Variants in TLE2 observed in about 807,000 individuals in gnomAD.
The protein encoded by TLE2 is transducin-like enhancer protein 2.
In TLE2, 74 loss-of-function variants were observed where a neutral mutation model predicts 97.2. The ratio of observed to expected loss-of-function variants is 0.76; its 90% CI spans 0.63 to 0.92. The LOEUF is 0.92. TLE2 is among the 40% of genes least tolerant of loss of function. The pLI is 0.00. For synonymous variants in TLE2, 499 were observed against 432.1 expected (o/e 1.15, Z -1.92); for missense variants, 1,038 against 1,008.7 (o/e 1.03, Z -0.39).
intron 17 of TLE2, among the ~76,000 whole-genome samples, chr19:3,003,733 CT>C (rs1861510400): frequency 6.6e-6 from 1 of 151,606 alleles, no homozygotes; most frequent in South Asian, 2.1e-4. Flanking sequence ...CAGACAGGGT[CT>C]TGCTCTGTCG....
At chr19:3,023,248 G>C (rs370260025) in intron 5 of TLE2, among the ~76,000 whole-genome samples, 1 of 152,008 alleles carries the variant, frequency 6.6e-6, no homozygotes, top group Non-Finnish European at 1.5e-5. Flanking sequence ...ATACTGGCCA[G>C]GTGGGTCTCA....
chr19:3,005,341 C>G (rs1417794750), intron 17 of TLE2, 96 bp downstream of exon 17: 17 of 1,491,744 alleles, frequency 1.1e-5, no homozygotes, highest in Non-Finnish European at 1.4e-5. Context: ...GGAGTCCTGT[C>G]CTGTCCTGCC....
intron 5 of TLE2, among the ~76,000 whole-genome samples, chr19:3,021,772 G>A (rs896961890): frequency 2.1e-4 from 32 of 151,818 alleles, no homozygotes; most frequent in Non-Finnish European, 4.1e-4. Context: ...TAGTAGAGAC[G>A]GGGTTTCACC....
intron 18 of TLE2, 33 bp from the exon 19 acceptor site, chr19:3,000,756 G>A (rs757839360): frequency 6.4e-6 from 10 of 1,552,288 alleles, no homozygotes; most frequent in Non-Finnish European, 8.7e-6. Context: ...GTTCAAGGAG[G>A]GGGCACTAAC....
Position 3,029,020 on chromosome 19 carries a change from G to C in TLE2, c.-116C>G. On this transcript the variant is annotated 5_prime_UTR_variant, in exon 1 of 20. Transcript: ENST00000262953. ...AGGCTGCCCGAAGAAAGAGGGAGGA[G>C]GGAGAAGCGGCGCGGGGCAAGGGAC... 1 of 1,508,586 alleles carries C rather than the reference G, an allele frequency of 6.6e-7. No individual in the cohort carries two copies. The highest frequency in any genetic ancestry group is 8.8e-7 in the Non-Finnish European group (1 of 1,130,234). 93.5% of individuals were successfully genotyped at this position (1,508,586 alleles called of 1,614,324 possible).
intron 14 of TLE2, 125 bp downstream of exon 14, chr19:3,008,744 C>A: frequency 1.5e-6 from 1 of 688,966 alleles, no homozygotes; most frequent in Non-Finnish European, 2.2e-6. Context: ...AACCACTGTG[C>A]CCGGCCCACA....
At chr19:3,006,713 CCCCGCA>C (rs548718201) in intron 14 of TLE2, 44 bp from the exon 15 acceptor site, 29 of 1,512,366 alleles carry the variant, frequency 1.9e-5, no homozygotes, top group Non-Finnish European at 2.3e-5. Context: ...GGCACCACGC[CCCCGCA>C]CCCGCACCTG....
rs1222571274 is a variant in TLE2 at position 3,006,563 on chromosome 19, T to C, written c.1357A>G (p.Thr453Ala). 1 of 1,603,604 alleles carries C rather than the reference T, an allele frequency of 6.2e-7. No individual in the cohort carries two copies. The highest frequency in any genetic ancestry group is 8.5e-7 in the Non-Finnish European group (1 of 1,176,224). Residue 453 changes from threonine to alanine, a missense_variant, in exon 15 of 20, where the codon ACG becomes GCG. Physicochemically the swap from Thr to Ala is moderately conservative, Grantham distance 58 (BLOSUM62 0). Transcript: ENST00000262953. ...CAGACCACCTCGCCATGGGCCAGCG[T>C]GTGCAGCTGCCGGGCGTGCCGCGGG... ...GIPRHARQLH[T>A]LAHGEVVCAV...
intron 1 of TLE2, among the ~76,000 whole-genome samples, chr19:3,043,852 C>T (rs2090123107): frequency 6.6e-6 from 1 of 151,490 alleles, no homozygotes; most frequent in Non-Finnish European, 1.5e-5. Flanking sequence ...GGCATGGTGG[C>T]GGGGGCCTGT....
intron 1 of TLE2, among the ~76,000 whole-genome samples, chr19:3,038,387 T>A (rs959844305): frequency 4.1e-4 from 63 of 152,070 alleles, no homozygotes; most frequent in African/African-American, 9.2e-4. Flanking sequence ...TTAAAAAAAA[T>A]TTTTTTGTAG....
At chr19:3,031,176 G>C (rs2090021601), upstream of TLE2, among the ~76,000 whole-genome samples, 1 of 152,072 alleles carries the variant, frequency 6.6e-6, no homozygotes, top group Non-Finnish European at 1.5e-5. Context: ...GACAGAGGAA[G>C]AGTTTAGAGG....
At chr19:3,006,812 T>C in intron 14 of TLE2, 143 bp from the exon 15 acceptor site, 1 of 1,251,194 alleles carries the variant, frequency 8.0e-7, no homozygotes, top group Non-Finnish European at 1.1e-6. Flanking sequence ...AGAGGGAGTC[T>C]CGCCGTGTCG....
chr19:3,016,323 C>G (rs1051135708), intron 8 of TLE2, among the ~76,000 whole-genome samples: 1 of 150,164 alleles, frequency 6.7e-6, no homozygotes, highest in Non-Finnish European at 1.5e-5. Flanking sequence ...CGCCTATAAT[C>G]CCAGCACTTT....
At chr19:3,016,006 G>T in intron 8 of TLE2, 1 of 594,528 alleles carries the variant, frequency 1.7e-6, no homozygotes, top group Non-Finnish European at 3.2e-6. Flanking sequence ...GAGCCATCTC[G>T]GCCCACTGAG....
intron 1 of TLE2, among the ~76,000 whole-genome samples, chr19:3,036,317 C>T (rs2090062062): frequency 6.6e-6 from 1 of 152,226 alleles, no homozygotes; most frequent in Non-Finnish European, 1.5e-5. Flanking sequence ...ATCAAAGTAA[C>T]GTGGGTACCT....
At chr19:3,000,073 T>G (rs138762400) in intron 19 of TLE2, among the ~76,000 whole-genome samples, 283 of 150,988 alleles carry the variant, frequency 1.9e-3, no homozygotes, top group African/African-American at 6.5e-3. Flanking sequence ...AAATTTTATT[T>G]TTATTTATTT....
At chr19:3,013,245 T>A (rs2089633350) in intron 11 of TLE2, among the ~76,000 whole-genome samples, 1 of 152,018 alleles carries the variant, frequency 6.6e-6, no homozygotes, top group Non-Finnish European at 1.5e-5. Context: ...TGTTCCTATA[T>A]TAATTATCTT....
chr19:3,041,369 C>G (rs1555695689), intron 1 of TLE2, among the ~76,000 whole-genome samples: 1 of 152,142 alleles, frequency 6.6e-6, no homozygotes, highest in Non-Finnish European at 1.5e-5. Context: ...GATATACACA[C>G]CATGGCCCTC....
Position 2,997,781 on chromosome 19 carries a change from G to A in TLE2, c.*67C>T. On this transcript the variant is annotated 3_prime_UTR_variant, in exon 20 of 20. Transcript: ENST00000262953. The stretch of plus-strand genomic sequence containing the variant: ...GGCAGGGCTGGGAGGCGGCTGCTAG[G>A]ATGTCTGTCCTGGCTGCTGATTCCC... 1.7e-6 allele frequency: 2 copies of A among 1,210,330 alleles called. No homozygotes were observed. Among genetic ancestry groups the A allele is most frequent in the Non-Finnish European group, 1.2e-6 (1 of 835,322 alleles). The allele number at this position is 1,210,330 out of a possible 1,614,324, so 75.0% of individuals were successfully genotyped here.
Sources: gnomAD v4.1 joint callset for allele counts (sites outside exome capture counted in the v4.1 genomes callset) on GRCh38, gnomAD v4.1.1 for gene constraint, MANE v1.5 for transcripts, NCBI Gene and HGNC (gene_info 2026-07-23, HGNC 2026-07-21) for gene names.